ZFYVE16: variants seen among roughly 807,000 people sequenced by gnomAD.
The protein encoded by ZFYVE16 is zinc finger FYVE-type containing 16.
ZFYVE16 carries 89 observed loss-of-function variants against 138.1 expected under a neutral mutation model. The observed-to-expected ratio is 0.64, with a 90% confidence interval of 0.54 to 0.77. ZFYVE16 has a LOEUF of 0.77. Ranked by LOEUF, ZFYVE16 falls within the 30% of genes least tolerant of loss-of-function variation. The pLI, the probability that ZFYVE16 is intolerant of heterozygous loss-of-function variation, is 0.00. For missense variants in ZFYVE16, 1,793 were observed against 1,786.7 expected, an observed-to-expected ratio of 1.00 and a Z score of -0.06; for synonymous variants, 596 against 618.3, an observed-to-expected ratio of 0.96 and a Z score of 0.53.
Position 80,437,758 on chromosome 5 carries a change from A to C in ZFYVE16, c.1073A>C (p.Gln358Pro), listed in dbSNP as rs1249814651. 1 of 1,614,162 alleles carries C rather than the reference A, an allele frequency of 6.2e-7. No individual in the cohort carries two copies. The highest frequency in any genetic ancestry group is 1.1e-5 in the South Asian group (1 of 91,088). ...SLDLKDNDVIQDSSSALHVSS... is the reference protein window; with the variant it reads ...SLDLKDNDVIPDSSSALHVSS... ...GACCTTAAGGATAATGATGTAATCC[A>C]AGATTCCTCTTCAGCTTTACATGTT... The change falls in exon 4 of 19, where the codon CAA (glutamine) becomes CCA (proline). Residue 358 changes from glutamine to proline, a missense_variant. By Grantham distance (76) the Gln-to-Pro change is moderately conservative (BLOSUM62 -1). Coordinates refer to ENST00000505560, the MANE Select transcript of ZFYVE16 (RefSeq NM_001284236.3).
chr5:80,428,155 C>T (rs1473035354), intron 2 of ZFYVE16, among the ~76,000 whole-genome samples: 1 of 152,010 alleles, frequency 6.6e-6, no homozygotes, highest in African/African-American at 2.4e-5. Flanking sequence ...GACAGACTGT[C>T]TCCTCAAGTG....
chr5:80,455,694 T>C lies in ZFYVE16; in HGVS notation c.3610T>C (p.Tyr1204His), dbSNP rs746219273. ...CAGTTTTCCTTTCTTATGTATAGCA[T>C]ATCCTGCTCCTCTAACAAGCATCAG... ...MLRLGAEYKA[Y>H]PAPLTSIRGR... The change falls in exon 12 of 19, where the codon TAT (tyrosine) becomes CAT (histidine). Residue 1204 changes from tyrosine (Y) to histidine (H), a missense_variant and splice_region_variant. This residue lies in a region of ZFYVE16 where 498 missense variants were observed against 582.4 expected (regional missense o/e 0.86). Transcript: ENST00000505560. The C allele has an allele frequency of 6.2e-7, 1 of 1,605,648 alleles. No homozygotes were observed. Among genetic ancestry groups the C allele is most frequent in the Non-Finnish European group, 8.5e-7 (1 of 1,177,786 alleles).
In ZFYVE16 at chr5:80,472,837, A is replaced by G; in HGVS notation, c.4101A>G (p.Lys1367=). The G allele has an allele frequency of 6.2e-7, 1 of 1,614,050 alleles. No individual in the cohort carries two copies. The highest frequency in any genetic ancestry group is 8.5e-7 in the Non-Finnish European group (1 of 1,179,982). Residue 1367 remains lysine (K), a synonymous_variant, in exon 16 of 19, where the codon AAA becomes AAG. Transcript: ENST00000505560. The part of the protein sequence containing the change: ...RLALREQKDF[K]ITCGKVDAVD... ...CTTTACGAGAACAGAAAGACTTTAA[A>G]ATTACATGTGGGAAAGTTGATGCAG...
In ZFYVE16 at chr5:80,447,175, G is replaced by A. The variant is rs147728760; in HGVS notation, c.2725-851G>A. Reference sequence around the variant, plus strand: ...GCTACTAGGGGAGACGGAGGCAGGAGAAAATCACTTGAACCCAGGAGGCAG... The same window carrying A: ...GCTACTAGGGGAGACGGAGGCAGGAAAAAATCACTTGAACCCAGGAGGCAG... On this transcript the variant is annotated intron_variant, in intron 7 of 18. Coordinates refer to ENST00000505560, the MANE Select transcript of ZFYVE16 (RefSeq NM_001284236.3). 1.7e-3 allele frequency among the ~76,000 whole-genome samples: 255 copies of A among 148,258 alleles called. 2 individuals carry two copies. Among genetic ancestry groups the A allele is most frequent in the African/African-American group, 6.2e-3 (246 of 39,766 alleles).
chr5:80,475,082 A>G (rs943417577), intron 18 of ZFYVE16, among the ~76,000 whole-genome samples: 13 of 152,308 alleles, frequency 8.5e-5, no homozygotes, highest in South Asian at 2.1e-4. Context: ...ACTCAACACT[A>G]CCATTATATT....
intron 18 of ZFYVE16, 117 bp downstream of exon 18, chr5:80,474,947 G>A (rs961327058): frequency 9.3e-7 from 1 of 1,078,382 alleles, no homozygotes; most frequent in African/African-American, 1.6e-5. Flanking sequence ...CATCAAATGT[G>A]TGCTACACAC....
chr5:80,443,342 T>C, intron 6 of ZFYVE16, 58 bp downstream of exon 6: 2 of 1,552,020 alleles, frequency 1.3e-6, no homozygotes, highest in Non-Finnish European at 8.7e-7. Context: ...AGAAATTCTC[T>C]AATGTAGCCA....
At position 80,456,489 on chromosome 5, in the gene ZFYVE16, A is replaced by C; in HGVS notation, c.3719A>C (p.His1240Pro). Residue 1240 changes from histidine (H) to proline (P), a missense_variant, in exon 13 of 19, where the codon CAT (histidine) becomes CCT (proline). This residue lies in a region of ZFYVE16 where 498 missense variants were observed against 582.4 expected (regional missense o/e 0.86). Coordinates refer to ENST00000505560, the MANE Select transcript of ZFYVE16 (RefSeq NM_001284236.3). ...CTTCGAAATTACCAGTATACCTTGC[A>C]TAATATAGATCAACTGTTGATTCAT... ...VDLRNYQYTL[H>P]NIDQLLIHME... 1 of 1,613,056 alleles carries C rather than the reference A, an allele frequency of 6.2e-7. No individual in the cohort carries two copies. Among genetic ancestry groups the C allele is most frequent in the Non-Finnish European group, 8.5e-7 (1 of 1,179,434 alleles).
chr5:80,427,013 C>T (rs1418292821), intron 1 of ZFYVE16, among the ~76,000 whole-genome samples: 3 of 151,746 alleles, frequency 2.0e-5, no homozygotes, highest in Non-Finnish European at 2.9e-5. Flanking sequence ...TGATGTTGAG[C>T]CCTTTTATGT....
At chr5:80,454,238 GAAGT>G (rs1290441753) in intron 11 of ZFYVE16, 1 of 152,092 alleles carries the variant, frequency 6.6e-6, no homozygotes, top group Non-Finnish European at 1.5e-5. Context: ...GAATTTTAAG[GAAGT>G]ATATTTGTAT....
chr5:80,415,827 C>T (rs1746134463), intron 1 of ZFYVE16, among the ~76,000 whole-genome samples: 1 of 151,958 alleles, frequency 6.6e-6, no homozygotes, highest in Non-Finnish European at 1.5e-5. Flanking sequence ...GCCACCACAC[C>T]CGGCTAATTT....
intron 2 of ZFYVE16, among the ~76,000 whole-genome samples, chr5:80,428,105 G>A (rs1203947201): frequency 6.6e-6 from 1 of 151,780 alleles, no homozygotes; most frequent in Non-Finnish European, 1.5e-5. Flanking sequence ...TTTGAAGAGA[G>A]CAGCGGTTCT....
intron 15 of ZFYVE16, among the ~76,000 whole-genome samples, chr5:80,466,816 G>C (rs1333210442): frequency 6.6e-6 from 1 of 152,098 alleles, no homozygotes; most frequent in Non-Finnish European, 1.5e-5. Context: ...TCAGAACTCT[G>C]GAAATTAGCC....
At chr5:80,451,348 C>T (rs1288452769) in intron 10 of ZFYVE16, 137 bp from the exon 11 acceptor site, 1 of 635,446 alleles carries the variant, frequency 1.6e-6, no homozygotes, top group Non-Finnish European at 2.6e-6. Flanking sequence ...TCTATAGTGT[C>T]TTAACTTCAG....
At chr5:80,443,609 A>G (rs1371267453) in intron 6 of ZFYVE16, among the ~76,000 whole-genome samples, 1 of 152,196 alleles carries the variant, frequency 6.6e-6, no homozygotes, top group Non-Finnish European at 1.5e-5. Flanking sequence ...TCACAGCACC[A>G]TGAAGAGGCC....
chr5:80,456,403 A>G lies in ZFYVE16; in HGVS notation c.3691-58A>G, dbSNP rs1297613033. 27 of 1,287,642 alleles carry G rather than the reference A, an allele frequency of 2.1e-5. 1 individual carries two copies. In the Admixed American group the frequency reaches 4.8e-4, roughly 23 times the overall value. The allele number at this position is 1,287,642 out of a possible 1,614,324, so 79.8% of individuals were successfully genotyped here. On this transcript the variant is annotated intron_variant, in intron 12 of 18. Transcript: ENST00000505560. ...AGAAGGATTTCTTAAAGAAGGATTTAATGGATAGAAAAATACTCATGGTTA... is the reference window on the plus strand; with the variant it reads ...AGAAGGATTTCTTAAAGAAGGATTTGATGGATAGAAAAATACTCATGGTTA...
chr5:80,431,280 C>G (rs1209845268), intron 2 of ZFYVE16, among the ~76,000 whole-genome samples: 1 of 152,090 alleles, frequency 6.6e-6, no homozygotes, highest in Non-Finnish European at 1.5e-5. Context: ...AAGGCTGGTT[C>G]AACATATGCA....
chr5:80,418,104 C>T (rs1746520944), intron 1 of ZFYVE16, among the ~76,000 whole-genome samples: 2 of 152,126 alleles, frequency 1.3e-5, no homozygotes, highest in Admixed American at 6.6e-5. Context: ...GATGTCCATT[C>T]AGTACTTTTG....
Position 80,437,487 on chromosome 5 carries a change from C to T in ZFYVE16, c.802C>T (p.Pro268Ser), listed in dbSNP as rs1251667111. Residue 268 changes from proline to serine, a missense_variant, in exon 4 of 19, where the codon CCA becomes TCA. Pro to Ser is a moderately conservative substitution (Grantham distance 74). Transcript: ENST00000505560. ...AKDKLQHKSQ[P>S]CGLLKDVGLV... is the part of the protein sequence containing the mutation. ...AGACAAGCTACAACACAAGAGCCAGCCATGTGGATTACTAAAAGATGTTGG... is the reference window on the plus strand; with the variant it reads ...AGACAAGCTACAACACAAGAGCCAGTCATGTGGATTACTAAAAGATGTTGG... The T allele has an allele frequency of 6.2e-7, 1 of 1,610,806 alleles. No individual in the cohort carries two copies. The highest frequency in any genetic ancestry group is 8.5e-7 in the Non-Finnish European group (1 of 1,178,952).
Sources: gnomAD v4.1 joint callset for allele counts (sites outside exome capture counted in the v4.1 genomes callset) on GRCh38, gnomAD v4.1.1 for gene constraint, gnomAD v4.1.1 regional missense constraint, MANE v1.5 for transcripts, NCBI Gene and HGNC (gene_info 2026-07-23, HGNC 2026-07-21) for gene names.